SCUBE1: variants seen among roughly 807,000 people sequenced by gnomAD.
The protein encoded by SCUBE1 is signal peptide, CUB and EGF-like domain-containing protein 1.
Under a neutral mutation model 124.4 loss-of-function variants are expected in SCUBE1, and 59 were observed. The ratio of observed to expected loss-of-function variants is 0.47; its 90% CI spans 0.38 to 0.59. The LOEUF (loss-of-function observed/expected upper bound fraction) is 0.59, where lower values mean the gene tolerates loss of function less well. SCUBE1 is among the 20% of genes least tolerant of loss of function. The probability of loss-of-function intolerance (pLI) is 0.00; values close to 1 mark genes in which losing one functional copy is unlikely to be tolerated. For synonymous variants in SCUBE1, 545 were observed against 550.9 expected (o/e 0.99, Z 0.15); for missense variants, 1,150 against 1,371.2 (o/e 0.84, Z 2.55).
chr22:43,249,834 G>A (rs945835813), intron 6 of SCUBE1, among the ~76,000 whole-genome samples: 3 of 152,222 alleles, frequency 2.0e-5, no homozygotes, highest in Non-Finnish European at 4.4e-5. Context: ...ATGGCGGGAT[G>A]GCTGGGGAGA....
chr22:43,239,132 C>A, intron 6 of SCUBE1, 178 bp from the exon 7 acceptor site: 1 of 603,682 alleles, frequency 1.7e-6, no homozygotes, highest in Non-Finnish European at 3.0e-6. Context: ...GAGCCTCAAG[C>A]TCCCCATCTG....
chr22:43,281,452 ATCTCCCTCAGCCAC>A (rs1924854273), intron 4 of SCUBE1, among the ~76,000 whole-genome samples: 1 of 46,962 alleles, frequency 2.1e-5, no homozygotes, highest in Non-Finnish European at 3.3e-5. Context: ...CCCTCCTGTC[ATCTCCCTCAGCCAC>A]CCTCCTGTCA....
rs549496725 is a variant in SCUBE1 at position 43,271,689 on chromosome 22, C to G, written c.485-8844G>C. Among the ~76,000 whole-genome samples the G allele has an allele frequency of 7.2e-5, 11 of 152,260 alleles. 1 individual carries two copies. The South Asian group carries it at 2.3e-3, about 32-fold the overall frequency. On this transcript the variant is annotated intron_variant, in intron 4 of 21. Transcript: ENST00000360835. ...GGGGCAAATCTAGGCCTGCCGGGAA[C>G]CAACAGCTGGCGGTCCCGGACTAGA...
chr22:43,298,977 G>A (rs1474225509), intron 3 of SCUBE1, among the ~76,000 whole-genome samples: 3 of 151,948 alleles, frequency 2.0e-5, no homozygotes, highest in Non-Finnish European at 2.9e-5. Flanking sequence ...GTGTGAACCC[G>A]GGAGGCGGAG....
At chr22:43,214,742 C>T (rs933948311) in intron 15 of SCUBE1, among the ~76,000 whole-genome samples, 10 of 152,230 alleles carry the variant, frequency 6.6e-5, no homozygotes, top group African/African-American at 2.4e-4. Context: ...GTGGGAGGGG[C>T]GTAGCGAGGA....
chr22:43,314,743 T>C (rs1601883913), intron 3 of SCUBE1, among the ~76,000 whole-genome samples: 2 of 151,654 alleles, frequency 1.3e-5, no homozygotes, highest in Non-Finnish European at 2.9e-5. Flanking sequence ...GAGCCGAGGG[T>C]GGGAAGGGCA....
intron 4 of SCUBE1, among the ~76,000 whole-genome samples, chr22:43,288,792 C>T (rs115082855): frequency 0.011 from 1,708 of 152,288 alleles, 38 homozygotes; most frequent in African/African-American, 0.039. Context: ...AACCCAGCCT[C>T]GCCGGGCAGT....
chr22:43,342,960 T>A (rs1489270191), intron 1 of SCUBE1, among the ~76,000 whole-genome samples: 2 of 114,000 alleles, frequency 1.8e-5, no homozygotes. Context: ...CACCCACCCC[T>A]GGTGCGGCCC....
intron 3 of SCUBE1, among the ~76,000 whole-genome samples, chr22:43,292,932 C>T (rs534530898): frequency 1.3e-5 from 2 of 152,352 alleles, no homozygotes; most frequent in South Asian, 4.1e-4. Context: ...AAGTGGCCCT[C>T]GCTGAGAGGA....
intron 15 of SCUBE1, among the ~76,000 whole-genome samples, chr22:43,217,989 C>T (rs761514505): frequency 6.6e-6 from 1 of 151,878 alleles, no homozygotes; most frequent in African/African-American, 2.4e-5. Context: ...TGCCCCCTCG[C>T]GCCCCTCGAC....
At chr22:43,208,881 G>A (rs1042772721) in intron 19 of SCUBE1, among the ~76,000 whole-genome samples, 5 of 152,144 alleles carry the variant, frequency 3.3e-5, no homozygotes, top group South Asian at 2.1e-4. Context: ...GCCTCTCCCC[G>A]CTTAAGGGCT....
intron 1 of SCUBE1, among the ~76,000 whole-genome samples, chr22:43,339,475 C>T (rs1215275139): frequency 6.6e-6 from 1 of 151,934 alleles, no homozygotes; most frequent in Non-Finnish European, 1.5e-5. Flanking sequence ...ATTGTCGCAA[C>T]CATCCCATTG....
chr22:43,294,335 G>A (rs1925480394), intron 3 of SCUBE1, among the ~76,000 whole-genome samples: 1 of 152,226 alleles, frequency 6.6e-6, no homozygotes, highest in Non-Finnish European at 1.5e-5. Flanking sequence ...AGCACTTCAA[G>A]TGGGCCCCAC....
At chr22:43,337,811 G>C (rs928862568) in intron 2 of SCUBE1, among the ~76,000 whole-genome samples, 1 of 152,212 alleles carries the variant, frequency 6.6e-6, no homozygotes, top group Non-Finnish European at 1.5e-5. Context: ...TACAGAAAGA[G>C]CAGGGACCCA....
chr22:43,198,551 TCTCCACATCCTCA>T lies in SCUBE1; in HGVS notation c.*5433_*5445del. 2.2e-6 allele frequency: 1 copy of T among 456,692 alleles called. No individual in the cohort carries two copies. Among genetic ancestry groups the T allele is most frequent in the South Asian group, 1.5e-5 (1 of 64,570 alleles). 28.3% of individuals were successfully genotyped at this position (456,692 alleles called of 1,614,324 possible). On this transcript the variant is annotated 3_prime_UTR_variant, in exon 22 of 22. Coordinates refer to ENST00000360835, the MANE Select transcript of SCUBE1 (RefSeq NM_173050.5). ...AGAATAGGAGGCGCTCTCTGCTCTC[TCTCCACATCCTCA>T]CTCCACCCCTCATTACATCCTCTGC...
At chr22:43,306,526 G>T (rs1925975395) in intron 3 of SCUBE1, among the ~76,000 whole-genome samples, 1 of 152,130 alleles carries the variant, frequency 6.6e-6, no homozygotes, top group Admixed American at 6.5e-5. Flanking sequence ...CAATCCAGTG[G>T]AGGGAGGATG....
intron 14 of SCUBE1, among the ~76,000 whole-genome samples, chr22:43,220,213 G>A (rs184297763): frequency 1.7e-4 from 26 of 152,288 alleles, no homozygotes; most frequent in African/African-American, 5.8e-4. Context: ...AGGTCACCTC[G>A]GCTCTTCTGT....
At chr22:43,222,159 C>T (rs187984100) in intron 12 of SCUBE1, among the ~76,000 whole-genome samples, 11 of 152,316 alleles carry the variant, frequency 7.2e-5, no homozygotes, top group Admixed American at 7.2e-4. Context: ...AGACACAACC[C>T]TCAGCTCCTT....
chr22:43,214,289 G>A (rs1332647800), intron 15 of SCUBE1, 38 bp from the exon 16 acceptor site: 37 of 1,593,244 alleles, frequency 2.3e-5, no homozygotes, highest in Non-Finnish European at 3.1e-5. Flanking sequence ...GGAGGCAGAG[G>A]TGGGGAGGCC....
Sources: allele counts gnomAD v4.1 joint callset (sites outside exome capture counted in the v4.1 genomes callset), GRCh38; gene constraint gnomAD v4.1.1; transcripts MANE v1.5; gene names NCBI Gene and HGNC (gene_info 2026-07-23, HGNC 2026-07-21).